Variants in SUGP2 observed in about 807,000 individuals in gnomAD.
The protein encoded by SUGP2 is SURP and G-patch domain containing 2.
Under a neutral mutation model 90.5 loss-of-function variants are expected in SUGP2, and 24 were observed. The ratio of observed to expected loss-of-function variants is 0.27; its 90% CI spans 0.19 to 0.37. The LOEUF (loss-of-function observed/expected upper bound fraction) is 0.37. SUGP2 is among the 10% of genes least tolerant of loss of function. The pLI is 1.00. For missense variants in SUGP2, 1,233 were observed against 1,363.3 expected (o/e 0.90, Z 1.51); for synonymous variants, 473 against 513.4 (o/e 0.92, Z 1.06).
intron 9 of SUGP2, 112 bp downstream of exon 9, chr19:18,995,032 A>G: frequency 2.1e-6 from 3 of 1,405,126 alleles, no homozygotes; most frequent in Non-Finnish European, 2.9e-6. Context: ...TTAAAAAACA[A>G]AAATCAACTG....
chr19:19,011,979 G>A (rs373199788), intron 4 of SUGP2, among the ~76,000 whole-genome samples: 1 of 152,144 alleles, frequency 6.6e-6, no homozygotes, highest in Non-Finnish European at 1.5e-5. Flanking sequence ...ATTAAGTAGC[G>A]ACATATCAGT....
At chr19:18,996,936 G>A (rs2057618766) in intron 8 of SUGP2, among the ~76,000 whole-genome samples, 2 of 152,096 alleles carry the variant, frequency 1.3e-5, no homozygotes. Flanking sequence ...AGGGAGGAAG[G>A]TGCTGAGGAG....
rs1353889864 is a variant in SUGP2 at position 18,994,353 on chromosome 19, C to T, written c.*13G>A. ...GAGGGCAGACGGCCTTACACACTGG[C>T]CTGTGAACATACCTATTTGTTGGCC... On this transcript the variant is annotated intron_variant, in intron 10 of 10. Transcript: ENST00000452918. The T allele has an allele frequency of 3.1e-6, 5 of 1,613,900 alleles. No individual in the cohort carries two copies. Among genetic ancestry groups the T allele is most frequent in the Admixed American group, 1.7e-5 (1 of 60,010 alleles).
intron 2 of SUGP2, 51 bp downstream of exon 2, chr19:19,030,900 A>G: frequency 6.4e-7 from 1 of 1,568,978 alleles, no homozygotes; most frequent in South Asian, 1.2e-5. Flanking sequence ...CCTTGGCCCT[A>G]AGATACACCC....
At position 19,024,872 on chromosome 19, in the gene SUGP2, A is replaced by G. The variant is rs1283946824; in HGVS notation, c.1476T>C (p.Ser492=). Reference sequence around the variant, plus strand: ...CTTCTAAGATTTTCTCCTGCCGGAAAGAAGAGGCCAAGGAAAATGTCTGTC... The same window carrying G: ...CTTCTAAGATTTTCTCCTGCCGGAAGGAAGAGGCCAAGGAAAATGTCTGTC... The part of the protein sequence containing the change: ...LLGQTFSLAS[S]FRQEKILEAV... The change falls in exon 3 of 11, where the codon TCT becomes TCC. Residue 492 remains serine (S), a synonymous_variant. Transcript: ENST00000452918. 4 of 1,614,102 alleles carry G rather than the reference A, an allele frequency of 2.5e-6. No homozygotes were observed. Among genetic ancestry groups the G allele is most frequent in the Non-Finnish European group, 3.4e-6 (4 of 1,180,062 alleles).
chr19:19,015,548 G>C (rs1599500904), intron 4 of SUGP2, among the ~76,000 whole-genome samples: 1 of 152,112 alleles, frequency 6.6e-6, no homozygotes, highest in African/African-American at 2.4e-5. Context: ...GTTGTACCCA[G>C]GCTGGAGTGC....
intron 6 of SUGP2, among the ~76,000 whole-genome samples, chr19:19,004,977 G>A (rs2058005574): frequency 6.6e-6 from 1 of 152,176 alleles, no homozygotes; most frequent in Non-Finnish European, 1.5e-5. Context: ...TTACATCACT[G>A]GCCTCTCTGG....
Position 19,010,087 on chromosome 19 carries a change from G to C in SUGP2, c.2106C>G (p.Thr702=), listed in dbSNP as rs2058247104. 1 of 1,613,514 alleles carries C rather than the reference G, an allele frequency of 6.2e-7. No homozygotes were observed. Among genetic ancestry groups the C allele is most frequent in the Admixed American group, 1.7e-5 (1 of 59,968 alleles). The part of the protein sequence containing the change: ...KARRATTGTQ[T]LLSSGTRLKH... ...TCAGCCTGGTGCCTGAGGATAGGAG[G>C]GTCTGGGTCCCGGTGGTCGCTCTCC... is the stretch of plus-strand genomic sequence containing the variant. Residue 702 remains threonine (T), a synonymous_variant, in exon 5 of 11, where the codon ACC becomes ACG. Transcript: ENST00000452918.
At chr19:19,015,236 TA>T (rs1243519349) in intron 4 of SUGP2, among the ~76,000 whole-genome samples, 1 of 128,552 alleles carries the variant, frequency 7.8e-6, no homozygotes, top group Non-Finnish European at 1.7e-5. Context: ...AATAAATAAA[TA>T]ATAAAAAGAG....
At chr19:18,998,603 CGTGTGTGTATGCATGT>C (rs1287992719) in intron 8 of SUGP2, among the ~76,000 whole-genome samples, 1 of 151,212 alleles carries the variant, frequency 6.6e-6, no homozygotes, top group African/African-American at 2.4e-5. Context: ...TGTGTGTGTG[CGTGTGTGTATGCATGT>C]GTGTGTGCAT....
In SUGP2 at chr19:19,024,906, G is replaced by A. The variant is rs775762286; in HGVS notation, c.1442C>T (p.Ala481Val). 1.4e-5 allele frequency: 23 copies of A among 1,614,190 alleles called. No individual in the cohort carries two copies. The South Asian group carries it at 2.3e-4, about 16-fold the overall frequency. Reference protein sequence around the residue: ...TTNSLCRKSLALLGQTFSLAS... With the variant: ...TTNSLCRKSLVLLGQTFSLAS... ...CAAGGAAAATGTCTGTCCCAAAAGG[G>A]CCAAAGACTTCCGGCAGAGAGAGTT... Residue 481 changes from alanine to valine, a missense_variant, in exon 3 of 11, where the codon GCC (alanine) becomes GTC (valine). Coordinates refer to ENST00000452918, the MANE Select transcript of SUGP2 (RefSeq NM_001017392.5).
chr19:19,008,295 T>G, intron 6 of SUGP2, 22 bp downstream of exon 6: 142 of 1,569,808 alleles, frequency 9.0e-5, no homozygotes, highest in Middle Eastern at 1.7e-4. Flanking sequence ...AAAGGTGTGA[T>G]GAGACCCGGG....
chr19:19,018,163 G>A (rs2058572180), intron 4 of SUGP2, among the ~76,000 whole-genome samples: 2 of 151,862 alleles, frequency 1.3e-5, no homozygotes, highest in South Asian at 4.2e-4. Context: ...GGACAGAACT[G>A]GCCATTGCCT....
chr19:19,015,139 T>G (rs1377694162), intron 4 of SUGP2, among the ~76,000 whole-genome samples: 2 of 151,690 alleles, frequency 1.3e-5, no homozygotes, highest in Non-Finnish European at 2.9e-5. Context: ...GAGGCAGAGC[T>G]TGCAGCGAGC....
At chr19:19,027,948 C>A (rs1256674400) in intron 2 of SUGP2, among the ~76,000 whole-genome samples, 1 of 152,166 alleles carries the variant, frequency 6.6e-6, no homozygotes, top group Admixed American at 6.6e-5. Flanking sequence ...ATAGCTCTGA[C>A]ACTTTATCTA....
intron 8 of SUGP2, among the ~76,000 whole-genome samples, chr19:19,001,017 C>CTTT (rs1163536301): frequency 7.2e-6 from 1 of 138,536 alleles, no homozygotes; most frequent in Non-Finnish European, 1.6e-5. Context: ...GCTTGAACTT[C>CTTT]TTTTTTTTTT....
At chr19:19,030,049 T>C (rs565441449) in intron 2 of SUGP2, among the ~76,000 whole-genome samples, 53 of 152,018 alleles carry the variant, frequency 3.5e-4, no homozygotes, top group Non-Finnish European at 6.5e-4. Context: ...GAGCAGTGGC[T>C]CACGCCTGTA....
intron 9 of SUGP2, chr19:18,994,792 G>A (rs1412606771): frequency 5.7e-6 from 3 of 527,542 alleles, no homozygotes; most frequent in Non-Finnish European, 1.0e-5. Context: ...ATAAACTTTG[G>A]GCCTGTGTTC....
chr19:18,999,458 G>A (rs1568382559), intron 8 of SUGP2, among the ~76,000 whole-genome samples: 1 of 152,158 alleles, frequency 6.6e-6, no homozygotes, highest in South Asian at 2.1e-4. Flanking sequence ...AAAACTACTC[G>A]GTGGCAGGGC....
Sources: gnomAD v4.1 joint callset for allele counts (sites outside exome capture counted in the v4.1 genomes callset) on GRCh38, gnomAD v4.1.1 for gene constraint, MANE v1.5 for transcripts, NCBI Gene and HGNC (gene_info 2026-07-23, HGNC 2026-07-21) for gene names.